Variants in NFATC1 observed in about 807,000 individuals in gnomAD.
NFATC1 encodes nuclear factor of activated T cells 1.
In NFATC1, 22 loss-of-function variants were observed where a neutral mutation model predicts 76.0. The observed-to-expected ratio is 0.29, with a 90% CI of 0.21 to 0.41. The LOEUF (loss-of-function observed/expected upper bound fraction) is 0.41. Among genes scored for constraint, NFATC1 ranks in the 10% least tolerant of loss-of-function variants. The pLI, the probability that NFATC1 is intolerant of heterozygous loss-of-function variation, is 1.00. For synonymous variants in NFATC1, 704 were observed against 613.1 expected (o/e 1.15, Z -2.19); for missense variants, 1,357 against 1,337.7 (o/e 1.01, Z -0.23).
chr18:79,433,455 A>G, intron 2 of NFATC1, 124 bp from the exon 3 acceptor site: 3 of 1,144,064 alleles, frequency 2.6e-6, no homozygotes, highest in East Asian at 2.4e-5. Flanking sequence ...CTCCATCTCC[A>G]TGTCAGGACG....
chr18:79,401,880 C>T (rs549138299), intron 1 of NFATC1, among the ~76,000 whole-genome samples: 1 of 152,360 alleles, frequency 6.6e-6, no homozygotes, highest in East Asian at 1.9e-4. Context: ...AGGCCCTACA[C>T]CCCAGTCAGA....
intron 9 of NFATC1, among the ~76,000 whole-genome samples, chr18:79,520,845 GTGTC>G (rs1276184758): frequency 2.4e-5 from 1 of 42,542 alleles, no homozygotes; most frequent in Non-Finnish European, 4.7e-5. Flanking sequence ...ACTGATGTGT[GTGTC>G]TGTGTATGTG....
chr18:79,429,621 C>G lies in NFATC1; in HGVS notation c.1227-3958C>G, dbSNP rs367575361. Among the ~76,000 whole-genome samples, 41 of 152,256 alleles carry G rather than the reference C, an allele frequency of 2.7e-4. No individual in the cohort carries two copies. In the East Asian group the frequency reaches 7.3e-3, roughly 27 times the overall value. On this transcript the variant is annotated intron_variant, in intron 2 of 9. Coordinates refer to ENST00000427363, the MANE Select transcript of NFATC1 (RefSeq NM_001278669.2). ...GGGTGGAGAGCAGGCAGCAGCGGTC[C>G]CGTCTCCGCAGCAGTGCAGGCTCCT...
intron 9 of NFATC1, chr18:79,497,970 G>C (rs1001262171): frequency 6.7e-6 from 1 of 148,788 alleles, no homozygotes; most frequent in Non-Finnish European, 1.5e-5. Context: ...AAGGAATACA[G>C]CATCTAGATA....
chr18:79,464,263 T>A (rs755456743), intron 7 of NFATC1, among the ~76,000 whole-genome samples: 2 of 152,106 alleles, frequency 1.3e-5, no homozygotes, highest in Non-Finnish European at 2.9e-5. Flanking sequence ...CTAATGTTTT[T>A]GTATTTTTTT....
intron 1 of NFATC1, among the ~76,000 whole-genome samples, chr18:79,400,784 C>T (rs541671589): frequency 0.018 from 1,823 of 103,662 alleles, 30 homozygotes; most frequent in Middle Eastern, 0.027. Context: ...CCCCCAGACA[C>T]CCTCTCCCCG....
chr18:79,406,796 T>C (rs567396781), intron 1 of NFATC1, among the ~76,000 whole-genome samples: 48 of 152,012 alleles, frequency 3.2e-4, no homozygotes, highest in African/African-American at 1.0e-3. Flanking sequence ...CTTCCTTCTG[T>C]CCACCGTTGG....
chr18:79,480,729 G>A (rs1376685373), intron 8 of NFATC1, among the ~76,000 whole-genome samples: 1 of 152,208 alleles, frequency 6.6e-6, no homozygotes. Context: ...GCCTTGGCCC[G>A]TGGGGCGGCT....
At chr18:79,481,759 T>A (rs2089279153) in intron 8 of NFATC1, among the ~76,000 whole-genome samples, 1 of 152,238 alleles carries the variant, frequency 6.6e-6, no homozygotes, top group Non-Finnish European at 1.5e-5. Flanking sequence ...ATGTGACGTC[T>A]GGGGTGTAAT....
chr18:79,448,525 G>C (rs956827770), intron 3 of NFATC1: 5 of 521,128 alleles, frequency 9.6e-6, no homozygotes, highest in African/African-American at 9.5e-5. Flanking sequence ...CTCAGAATGG[G>C]CACACACAGC....
intron 9 of NFATC1, among the ~76,000 whole-genome samples, chr18:79,509,890 A>C (rs1258069757): frequency 6.6e-6 from 1 of 152,200 alleles, no homozygotes; most frequent in Non-Finnish European, 1.5e-5. Flanking sequence ...CTTATCGGAA[A>C]GTGTCCTCGG....
intron 6 of NFATC1, among the ~76,000 whole-genome samples, chr18:79,455,037 C>T (rs558548711): frequency 2.0e-4 from 31 of 152,334 alleles, no homozygotes; most frequent in African/African-American, 6.0e-4. Flanking sequence ...CCGCGTGAAA[C>T]GTGAGCTCGG....
At chr18:79,435,284 G>A (rs1413672707) in intron 3 of NFATC1, among the ~76,000 whole-genome samples, 1 of 152,064 alleles carries the variant, frequency 6.6e-6, no homozygotes, top group African/African-American at 2.4e-5. Flanking sequence ...TTACTTGGAG[G>A]GTAAAGCAGG....
intron 6 of NFATC1, among the ~76,000 whole-genome samples, chr18:79,459,664 G>A (rs926909248): frequency 6.6e-6 from 1 of 152,160 alleles, no homozygotes; most frequent in African/African-American, 2.4e-5. Context: ...ACTATAGCCT[G>A]TTGCGCCCGG....
intron 9 of NFATC1, among the ~76,000 whole-genome samples, chr18:79,510,490 G>A (rs778221090): frequency 2.0e-5 from 3 of 152,228 alleles, no homozygotes; most frequent in East Asian, 1.9e-4. Flanking sequence ...TGCCACAGGC[G>A]TGGTGGAGGG....
At chr18:79,490,274 G>C (rs1283769678) in intron 9 of NFATC1, among the ~76,000 whole-genome samples, 1 of 152,074 alleles carries the variant, frequency 6.6e-6, no homozygotes, top group East Asian at 1.9e-4. Flanking sequence ...TTAGGGTGGG[G>C]TGGTCCCTGG....
intron 7 of NFATC1, among the ~76,000 whole-genome samples, chr18:79,463,783 T>C (rs8085237): frequency 0.31 from 47,278 of 152,198 alleles, 7,384 homozygotes; most frequent in East Asian, 0.37. Context: ...CCTGGCTCCG[T>C]CGGGGTCTCC....
chr18:79,428,336 A>G (rs1371143440), intron 2 of NFATC1, among the ~76,000 whole-genome samples: 1 of 152,202 alleles, frequency 6.6e-6, no homozygotes, highest in Admixed American at 6.5e-5. Context: ...ACTATCGTGT[A>G]AAGATGCAAA....
At chr18:79,442,091 G>A (rs2086999414) in intron 3 of NFATC1, among the ~76,000 whole-genome samples, 1 of 152,210 alleles carries the variant, frequency 6.6e-6, no homozygotes, top group Non-Finnish European at 1.5e-5. Flanking sequence ...GAAGCGCGCT[G>A]GTGGGGCAAG....
Sources: allele counts gnomAD v4.1 joint callset (sites outside exome capture counted in the v4.1 genomes callset), GRCh38; gene constraint gnomAD v4.1.1; transcripts MANE v1.5; gene names NCBI Gene and HGNC (gene_info 2026-07-23, HGNC 2026-07-21).